Variants in ANXA8 observed in about 807,000 individuals in gnomAD.
ANXA8 encodes annexin A8, also known as VAC-beta.
In ANXA8, 9 loss-of-function variants were observed where a neutral mutation model predicts 26.8. The observed-to-expected ratio is 0.34, with a 90% CI of 0.20 to 0.59. The LOEUF (loss-of-function observed/expected upper bound fraction) is 0.59, where lower values mean the gene tolerates loss of function less well. Ranked by LOEUF, ANXA8 falls within the 20% of genes least tolerant of loss-of-function variation. ANXA8 has a pLI of 0.84. For missense variants in ANXA8, 83 were observed against 238.5 expected (o/e 0.35, Z 4.29); for synonymous variants, 39 against 94.8 (o/e 0.41, Z 3.42).
the ANXA8 span, among the ~76,000 whole-genome samples, chr10:47,902,314 AG>A: frequency 1.6e-5 from 2 of 127,308 alleles, no homozygotes; most frequent in African/African-American, 5.9e-5. Context: ...ATAACCTTAA[AG>A]GATCTAACAG....
the ANXA8 span, among the ~76,000 whole-genome samples, chr10:47,972,553 T>C: frequency 8.4e-6 from 1 of 119,076 alleles, no homozygotes; most frequent in East Asian, 2.1e-4. Flanking sequence ...AAGGAGACCT[T>C]GGAGAACACC....
the ANXA8 span, among the ~76,000 whole-genome samples, chr10:47,983,240 A>C: frequency 3.2e-5 from 2 of 61,916 alleles, 1 homozygote; most frequent in Non-Finnish European, 7.9e-5. Flanking sequence ...TCCTAGATAC[A>C]TACCCAAGAG....
At chr10:47,530,688 C>G in the ANXA8 span, among the ~76,000 whole-genome samples, 2 of 139,694 alleles carry the variant, frequency 1.4e-5, no homozygotes, top group African/African-American at 5.4e-5. Context: ...GTGAGACTCC[C>G]TCTCAAAAAA....
chr10:47,612,567 C>T, the ANXA8 span, among the ~76,000 whole-genome samples: 2 of 72,864 alleles, frequency 2.7e-5, no homozygotes, highest in African/African-American at 4.0e-5. Flanking sequence ...GAATGTTCCC[C>T]CCAAAACTCA....
the ANXA8 span, among the ~76,000 whole-genome samples, chr10:47,948,848 G>T: frequency 6.6e-6 from 1 of 151,694 alleles, no homozygotes; most frequent in Admixed American, 6.6e-5. Context: ...GCTAAGAAAT[G>T]TGGGTGGGCT....
At chr10:47,627,982 C>T in the ANXA8 span, among the ~76,000 whole-genome samples, 224 of 150,062 alleles carry the variant, frequency 1.5e-3, 3 homozygotes, top group Middle Eastern at 3.4e-3. Flanking sequence ...GAGTGTTGTA[C>T]TTTAGTAAAA....
chr10:47,692,923 C>T, the ANXA8 span, among the ~76,000 whole-genome samples: 8 of 151,054 alleles, frequency 5.3e-5, no homozygotes, highest in Middle Eastern at 3.2e-3. Context: ...TTAGTAGAGA[C>T]GGGGTTTCAC....
chr10:47,894,603 CCACACA>C, the ANXA8 span, among the ~76,000 whole-genome samples: 5 of 143,456 alleles, frequency 3.5e-5, no homozygotes, highest in Admixed American at 7.0e-5. Flanking sequence ...ACACACTGCA[CCACACA>C]CACACACTAC....
the ANXA8 span, among the ~76,000 whole-genome samples, chr10:47,592,181 C>T: frequency 1.4e-5 from 2 of 145,028 alleles, no homozygotes; most frequent in Admixed American, 1.4e-4. Flanking sequence ...CCATAATGTA[C>T]CTCTGAGATC....
chr10:47,474,069 T>C lies in ANXA8; in HGVS notation c.647-4A>G. ...ATTTTCTCATACTCTTCAAACACTG[T>C]GGAGAGGGCTCTGCTCAGGGGATGG... On this transcript the variant is annotated splice_polypyrimidine_tract_variant and splice_region_variant and intron_variant, in intron 8 of 11. Coordinates refer to ENST00000585281, the MANE Select transcript of ANXA8 (RefSeq NM_001040084.3). 1 of 540,732 alleles carries C rather than the reference T, an allele frequency of 1.8e-6. No individual in the cohort carries two copies. Among genetic ancestry groups the C allele is most frequent in the East Asian group, 6.9e-5 (1 of 14,444 alleles). 33.5% of individuals were successfully genotyped at this position (540,732 alleles called of 1,614,324 possible).
At chr10:47,566,837 C>T in the ANXA8 span, among the ~76,000 whole-genome samples, 3 of 131,938 alleles carry the variant, frequency 2.3e-5, no homozygotes, top group Admixed American at 7.7e-5. Context: ...GCGGCCCTCC[C>T]TTCTCCTTTG....
At chr10:47,715,745 CTTGT>C in the ANXA8 span, 1 of 1,514,898 alleles carries the variant, frequency 6.6e-7, no homozygotes, top group Non-Finnish European at 8.9e-7. Flanking sequence ...CCTGTGAGTG[CTTGT>C]TTGATGATGA....
At chr10:47,488,919 C>G (rs1416157615), upstream of ANXA8, among the ~76,000 whole-genome samples, 19,414 of 132,328 alleles carry the variant, frequency 0.15, 1,801 homozygotes, top group East Asian at 0.43. Flanking sequence ...AGTAGAGATG[C>G]GGTTTCACCG....
upstream of ANXA8, among the ~76,000 whole-genome samples, chr10:47,486,945 C>T (rs1395040804): frequency 6.6e-6 from 1 of 150,414 alleles, no homozygotes; most frequent in Non-Finnish European, 1.5e-5. Flanking sequence ...TGCCCTCCAG[C>T]CTGGGCGACA....
chr10:47,980,319 A>G, the ANXA8 span, among the ~76,000 whole-genome samples: 1 of 151,726 alleles, frequency 6.6e-6, no homozygotes, highest in South Asian at 2.1e-4. Context: ...CTATATTAAA[A>G]AGAAGAAAGA....
intron 1 of ANXA8, among the ~76,000 whole-genome samples, chr10:47,483,429 G>C (rs1214782292): frequency 7.4e-6 from 1 of 134,508 alleles, no homozygotes; most frequent in Non-Finnish European, 1.5e-5. Flanking sequence ...CATCTCCTCC[G>C]GTACCAGGAC....
the ANXA8 span, among the ~76,000 whole-genome samples, chr10:47,943,573 G>C: frequency 6.0e-5 from 9 of 149,774 alleles, no homozygotes; most frequent in Non-Finnish European, 1.2e-4. Flanking sequence ...CAGCCCTCCT[G>C]TGTTCATCCT....
chr10:47,736,515 G>T, the ANXA8 span, among the ~76,000 whole-genome samples: 2 of 129,496 alleles, frequency 1.5e-5, no homozygotes, highest in African/African-American at 5.9e-5. Flanking sequence ...TTCTCAGAAA[G>T]GTTATCCTGA....
the ANXA8 span, among the ~76,000 whole-genome samples, chr10:47,958,352 G>C: frequency 2.7e-5 from 4 of 147,234 alleles, 1 homozygote; most frequent in South Asian, 2.1e-4. Flanking sequence ...GGTGGTGCAC[G>C]CCTGTAATCC....
Sources: allele counts gnomAD v4.1 joint callset (sites outside exome capture counted in the v4.1 genomes callset), GRCh38; gene constraint gnomAD v4.1.1; transcripts MANE v1.5; gene names NCBI Gene and HGNC (gene_info 2026-07-23, HGNC 2026-07-21).